The following MGAT4C variants were observed in gnomAD, a reference collection of about 807,000 sequenced individuals.
MGAT4C encodes MGAT4 family member C.
A neutral mutation model predicts 40.1 loss-of-function variants in MGAT4C; 19 were observed. The ratio of observed to expected loss-of-function variants is 0.47; its 90% CI spans 0.33 to 0.70. MGAT4C has a LOEUF of 0.70. Among genes scored for constraint, MGAT4C ranks in the 30% least tolerant of loss-of-function variants. MGAT4C has a pLI of 0.02. For missense variants in MGAT4C, 491 were observed against 563.2 expected (o/e 0.87, Z 1.30); for synonymous variants, 181 against 187.1 (o/e 0.97, Z 0.27).
chr12:86,067,365 A>C (rs905257797), intron 1 of MGAT4C, among the ~76,000 whole-genome samples: 10 of 152,210 alleles, frequency 6.6e-5, no homozygotes, highest in African/African-American at 2.2e-4. Context: ...ACACTATGGA[A>C]TACTATGTAG....
At chr12:86,833,297 A>C (rs2136238264) in intron 1 of MGAT4C, among the ~76,000 whole-genome samples, 1 of 152,006 alleles carries the variant, frequency 6.6e-6, no homozygotes, top group Non-Finnish European at 1.5e-5. Context: ...GGGAGGAGAA[A>C]GAGAACACAG....
chr12:86,676,477 A>C (rs1964403061), intron 2 of MGAT4C, among the ~76,000 whole-genome samples: 1 of 152,162 alleles, frequency 6.6e-6, no homozygotes, highest in Non-Finnish European at 1.5e-5. Flanking sequence ...TACATTCCAC[A>C]CTCAGGATAG....
At chr12:86,134,147 G>T (rs1437477355) in intron 1 of MGAT4C, among the ~76,000 whole-genome samples, 3 of 151,906 alleles carry the variant, frequency 2.0e-5, no homozygotes, top group Non-Finnish European at 4.4e-5. Flanking sequence ...AGTTATGATA[G>T]CCACTTAGTT....
At chr12:86,028,539 G>C (rs1371802384) in intron 2 of MGAT4C, among the ~76,000 whole-genome samples, 1 of 151,746 alleles carries the variant, frequency 6.6e-6, no homozygotes, top group Non-Finnish European at 1.5e-5. Flanking sequence ...CAAGAAATTA[G>C]GCCCAGGTGT....
chr12:86,589,047 A>C (rs1310752934), intron 2 of MGAT4C, among the ~76,000 whole-genome samples: 1 of 150,682 alleles, frequency 6.6e-6, no homozygotes, highest in Non-Finnish European at 1.5e-5. Context: ...AGAAATAACT[A>C]AAATCAGAGC....
chr12:86,539,724 G>A (rs1350813676), intron 2 of MGAT4C, among the ~76,000 whole-genome samples: 3 of 152,210 alleles, frequency 2.0e-5, no homozygotes, highest in Non-Finnish European at 2.9e-5. Context: ...TAACTGGTGT[G>A]AGATGGTATC....
chr12:86,086,154 T>A (rs1464001016), intron 1 of MGAT4C, among the ~76,000 whole-genome samples: 1 of 152,124 alleles, frequency 6.6e-6, no homozygotes, highest in Non-Finnish European at 1.5e-5. Flanking sequence ...TGCCCATCAA[T>A]GTTAGACTGC....
chr12:86,450,327 T>A (rs1272581504), intron 2 of MGAT4C, among the ~76,000 whole-genome samples: 5 of 152,170 alleles, frequency 3.3e-5, no homozygotes, highest in Admixed American at 2.0e-4. Flanking sequence ...AGTGAAGTGC[T>A]TAGTTTTTTA....
intron 1 of MGAT4C, among the ~76,000 whole-genome samples, chr12:86,729,380 TA>T (rs1228287441): frequency 1.3e-5 from 2 of 151,928 alleles, no homozygotes; most frequent in East Asian, 1.9e-4. Flanking sequence ...TAAAAATTTT[TA>T]AAAAAAGGAA....
At chr12:86,637,727 A>G (rs1405712826) in intron 2 of MGAT4C, among the ~76,000 whole-genome samples, 1 of 151,754 alleles carries the variant, frequency 6.6e-6, no homozygotes, top group Non-Finnish European at 1.5e-5. Flanking sequence ...CATTTTTCCC[A>G]TAAATCATAT....
intron 2 of MGAT4C, among the ~76,000 whole-genome samples, chr12:86,602,487 C>T (rs1302110024): frequency 4.6e-5 from 7 of 152,132 alleles, no homozygotes; most frequent in African/African-American, 1.7e-4. Flanking sequence ...TTTCCTTGTT[C>T]TACATCCATG....
At chr12:86,610,532 G>A (rs1283777768) in intron 2 of MGAT4C, among the ~76,000 whole-genome samples, 4 of 148,650 alleles carry the variant, frequency 2.7e-5, no homozygotes, top group African/African-American at 9.9e-5. Flanking sequence ...CAAGGAAGAG[G>A]TAAAAGGGCA....
chr12:86,795,743 C>A (rs1001457094), intron 1 of MGAT4C, among the ~76,000 whole-genome samples: 3 of 151,916 alleles, frequency 2.0e-5, no homozygotes, highest in African/African-American at 7.2e-5. Context: ...TCTACTTCCC[C>A]ACAAACCTGT....
At chr12:86,739,054 A>G (rs1327324868) in intron 1 of MGAT4C, among the ~76,000 whole-genome samples, 8 of 124,356 alleles carry the variant, frequency 6.4e-5, no homozygotes, top group Non-Finnish European at 1.3e-4. Context: ...TTTATTTATT[A>G]TTGTCATTCC....
At chr12:86,044,927 T>C (rs7966352) in intron 2 of MGAT4C, among the ~76,000 whole-genome samples, 1 of 151,826 alleles carries the variant, frequency 6.6e-6, no homozygotes, top group Non-Finnish European at 1.5e-5. Flanking sequence ...ATCTCAGGTT[T>C]CCAGGATTCC....
chr12:86,410,851 C>T (rs1181936776), intron 3 of MGAT4C, among the ~76,000 whole-genome samples: 1 of 152,140 alleles, frequency 6.6e-6, no homozygotes, highest in Non-Finnish European at 1.5e-5. Context: ...ATTTATGTTC[C>T]TCTGCTGTGG....
intron 4 of MGAT4C, among the ~76,000 whole-genome samples, chr12:86,311,522 T>A (rs1171086024): frequency 1.3e-5 from 2 of 152,144 alleles, no homozygotes; most frequent in Non-Finnish European, 2.9e-5. Context: ...TCTGGCTTAT[T>A]TGTTGTCATC....
At chr12:86,320,511 T>C (rs114493972) in intron 4 of MGAT4C, among the ~76,000 whole-genome samples, 1,761 of 152,220 alleles carry the variant, frequency 0.012, 49 homozygotes, top group African/African-American at 0.041. Flanking sequence ...TTATTGAGAA[T>C]TTGCCATGTA....
intron 2 of MGAT4C, among the ~76,000 whole-genome samples, chr12:86,669,846 C>G (rs1040044815): frequency 1.3e-5 from 2 of 152,204 alleles, no homozygotes; most frequent in African/African-American, 4.8e-5. Context: ...ACAGCTGGCT[C>G]TTACCTATAA....
Sources: gnomAD v4.1 joint callset for allele counts (sites outside exome capture counted in the v4.1 genomes callset) on GRCh38, gnomAD v4.1.1 for gene constraint, MANE v1.5 for transcripts, NCBI Gene and HGNC (gene_info 2026-07-23, HGNC 2026-07-21) for gene names.